Variants in MPP7 observed in about 807,000 individuals in gnomAD.
MPP7 encodes MAGUK p55 subfamily member 7.
In MPP7, 60 loss-of-function variants were observed where a neutral mutation model predicts 76.5. The ratio of observed to expected loss-of-function variants is 0.78; its 90% confidence interval spans 0.64 to 0.97. The LOEUF (loss-of-function observed/expected upper bound fraction) is 0.97, where lower values mean the gene tolerates loss of function less well. MPP7 is among the 50% of genes least tolerant of loss of function. The probability of loss-of-function intolerance (pLI) is 0.00; values close to 1 mark genes in which losing one functional copy is unlikely to be tolerated. For synonymous variants in MPP7, 237 were observed against 244.5 expected (o/e 0.97, Z 0.29); for missense variants, 641 against 694.0 (o/e 0.92, Z 0.86).
At position 28,170,822 on chromosome 10, in the gene MPP7, C is replaced by T. The variant is rs1324636958; in HGVS notation, c.157-20763G>A. 2.6e-5 allele frequency among the ~76,000 whole-genome samples: 4 copies of T among 152,084 alleles called. No homozygotes were observed. The East Asian group carries it at 5.8e-4, about 22-fold the overall frequency. On this transcript the variant is annotated intron_variant, in intron 3 of 16. Coordinates refer to ENST00000683449, the MANE Select transcript of MPP7 (RefSeq NM_001318170.2). ...ATGCCCATTCAATGTTCATTCATAG[C>T]TCATCTCTGCAACAGCAACTCATAT...
intron 12 of MPP7, among the ~76,000 whole-genome samples, chr10:28,089,394 T>C (rs1853177041): frequency 6.6e-6 from 1 of 152,154 alleles, no homozygotes; most frequent in Non-Finnish European, 1.5e-5. Flanking sequence ...ATTATTTAAT[T>C]GCCCTGATGT....
chr10:28,153,795 T>G (rs555683880), intron 3 of MPP7, among the ~76,000 whole-genome samples: 1 of 152,198 alleles, frequency 6.6e-6, no homozygotes, highest in African/African-American at 2.4e-5. Flanking sequence ...GACTCCACCA[T>G]GGTCATCTGC....
At chr10:28,065,911 CT>C (rs146233509) in intron 13 of MPP7, among the ~76,000 whole-genome samples, 2,719 of 152,246 alleles carry the variant, frequency 0.018, 85 homozygotes, top group African/African-American at 0.06. Flanking sequence ...ATTTTGGAAG[CT>C]ATCAAATATT....
chr10:28,128,671 G>T, intron 6 of MPP7, among the ~76,000 whole-genome samples: 1 of 152,134 alleles, frequency 6.6e-6, no homozygotes, highest in East Asian at 1.9e-4. Flanking sequence ...AACTAAAAGG[G>T]GTTAAGACAA....
At position 28,138,887 on chromosome 10, in the gene MPP7, G is replaced by A. The variant is rs1041057589; in HGVS notation, c.316-7196C>T. ...CATTTAATAATTTACATTGAATTCC[G>A]TTTACTGGGAATCCCAATGTTGCAA... is the stretch of plus-strand genomic sequence containing the variant. On this transcript the variant is annotated intron_variant, in intron 5 of 16. Coordinates refer to ENST00000683449, the MANE Select transcript of MPP7 (RefSeq NM_001318170.2). 5.3e-5 allele frequency among the ~76,000 whole-genome samples: 8 copies of A among 152,258 alleles called. No individual in the cohort carries two copies. In the South Asian group the frequency reaches 8.3e-4, roughly 16 times the overall value.
intron 2 of MPP7, among the ~76,000 whole-genome samples, chr10:28,310,843 G>A (rs1361077279): frequency 6.6e-6 from 1 of 152,214 alleles, no homozygotes; most frequent in Non-Finnish European, 1.5e-5. Context: ...GTCTATAAGT[G>A]TGGGGAATAT....
chr10:28,222,079 T>A (rs1372045308), intron 2 of MPP7, among the ~76,000 whole-genome samples: 6 of 152,220 alleles, frequency 3.9e-5, no homozygotes, highest in African/African-American at 1.4e-4. Flanking sequence ...ACTATTTTAA[T>A]ATTGAACAAT....
rs565174908 is a variant in MPP7 at position 28,204,779 on chromosome 10, C to T, written c.38-2508G>A. On this transcript the variant is annotated intron_variant, in intron 2 of 16. Transcript: ENST00000683449. ...CTGGCACAGCGTAGGCAGTCCGTTGCTTAACATGTCTTCTTCTAGAATGAA... is the reference window on the plus strand; with the variant it reads ...CTGGCACAGCGTAGGCAGTCCGTTGTTTAACATGTCTTCTTCTAGAATGAA... Among the ~76,000 whole-genome samples the T allele has an allele frequency of 1.6e-3, 238 of 152,304 alleles. 2 individuals are homozygous for T. Among genetic ancestry groups the T allele is most frequent in the Non-Finnish European group, 3.5e-4 (24 of 68,028 alleles).
chr10:28,178,264 A>C (rs1836941544), intron 3 of MPP7, among the ~76,000 whole-genome samples: 1 of 152,096 alleles, frequency 6.6e-6, no homozygotes. Context: ...AGGAAAGGCG[A>C]GAAGGAATCC....
intron 11 of MPP7, among the ~76,000 whole-genome samples, chr10:28,096,167 T>C: frequency 6.6e-6 from 1 of 152,200 alleles, no homozygotes; most frequent in East Asian, 1.9e-4. Context: ...GCAATAAACA[T>C]CCCTTTATCC....
chr10:28,239,425 G>A (rs1839193465), intron 1 of MPP7, among the ~76,000 whole-genome samples: 1 of 152,036 alleles, frequency 6.6e-6, no homozygotes, highest in Non-Finnish European at 1.5e-5. Context: ...GGGATTACAG[G>A]TGTGAGTAAC....
At chr10:28,183,459 A>T (rs889321054) in intron 3 of MPP7, among the ~76,000 whole-genome samples, 3 of 152,212 alleles carry the variant, frequency 2.0e-5, no homozygotes, top group African/African-American at 7.2e-5. Context: ...TAATTTTAAA[A>T]GAGTGAGAGC....
intron 2 of MPP7, among the ~76,000 whole-genome samples, chr10:28,212,441 T>C (rs943351092): frequency 2.0e-5 from 3 of 152,204 alleles, no homozygotes; most frequent in African/African-American, 4.8e-5. Flanking sequence ...GCCTTAGACA[T>C]ACTGAATTTG....
At chr10:28,226,223 A>G (rs1031341479) in intron 2 of MPP7, among the ~76,000 whole-genome samples, 3 of 152,076 alleles carry the variant, frequency 2.0e-5, no homozygotes, top group Non-Finnish European at 2.9e-5. Context: ...ATGGTGATTG[A>G]CATGGGCTGG....
chr10:28,139,341 G>A (rs1273094749), intron 5 of MPP7, among the ~76,000 whole-genome samples: 1 of 152,164 alleles, frequency 6.6e-6, no homozygotes, highest in Admixed American at 6.5e-5. Flanking sequence ...CTGGGCAGCG[G>A]ACATAGTTGT....
chr10:28,171,416 C>T (rs1030229058), intron 3 of MPP7, among the ~76,000 whole-genome samples: 1 of 151,986 alleles, frequency 6.6e-6, no homozygotes, highest in Non-Finnish European at 1.5e-5. Flanking sequence ...GTCTATTTTC[C>T]TTACAGTTTT....
At chr10:28,140,308 C>T (rs1467308102) in intron 5 of MPP7, among the ~76,000 whole-genome samples, 4 of 152,080 alleles carry the variant, frequency 2.6e-5, no homozygotes, top group African/African-American at 7.2e-5. Flanking sequence ...GTCAGAAGTT[C>T]GACACCAGCC....
rs56923979 is a variant in MPP7, at chr10:28,062,531, A to AACACACACACAC, written c.1205-2800_1205-2789dup. 1.9e-3 allele frequency among the ~76,000 whole-genome samples: 249 copies of AACACACACACAC among 132,368 alleles called. 3 individuals are homozygous for AACACACACACAC. Among genetic ancestry groups the AACACACACACAC allele is most frequent in the African/African-American group, 5.8e-3 (210 of 36,080 alleles). The allele number at this position is 132,368 out of a possible 152,430, so 86.8% of individuals were successfully genotyped here. ...AAATTCAATCATTTCCATAATAGTA[A>AACACACACACAC]ACACACACACACACACACACACACA... On this transcript the variant is annotated intron_variant, in intron 13 of 16. Coordinates refer to ENST00000683449, the MANE Select transcript of MPP7 (RefSeq NM_001318170.2).
intron 2 of MPP7, among the ~76,000 whole-genome samples, chr10:28,213,657 T>C (rs1441150731): frequency 6.6e-6 from 1 of 151,780 alleles, no homozygotes; most frequent in African/African-American, 2.4e-5. Context: ...CCAGGTGTGG[T>C]GGCACATGCC....
Sources: allele counts gnomAD v4.1 joint callset (sites outside exome capture counted in the v4.1 genomes callset), GRCh38; gene constraint gnomAD v4.1.1; transcripts MANE v1.5; gene names NCBI Gene and HGNC (gene_info 2026-07-23, HGNC 2026-07-21).